Variants in STXBP5 observed in about 807,000 individuals in gnomAD.
The protein encoded by STXBP5 is syntaxin binding protein 5, also known as syntaxin-binding protein 5.
In STXBP5, 50 loss-of-function variants were observed where a neutral mutation model predicts 152.4. The ratio of observed to expected loss-of-function variants is 0.33; its 90% confidence interval spans 0.26 to 0.42. The LOEUF (loss-of-function observed/expected upper bound fraction) is 0.42, where lower values mean the gene tolerates loss of function less well. Among genes scored for constraint, STXBP5 ranks in the 10% least tolerant of loss-of-function variants. The pLI, the probability that STXBP5 is intolerant of heterozygous loss-of-function variation, is 1.00. For missense variants in STXBP5, 1,167 were observed against 1,388.6 expected (o/e 0.84, Z 2.54); for synonymous variants, 492 against 494.7 (o/e 0.99, Z 0.07).
chr6:147,297,224 G>A (rs1027340208), intron 9 of STXBP5, among the ~76,000 whole-genome samples: 2 of 152,292 alleles, frequency 1.3e-5, no homozygotes, highest in East Asian at 1.9e-4. Flanking sequence ...CTTGTCACAT[G>A]TAAGGGTATC....
At chr6:147,221,790 C>T (rs542301304) in intron 2 of STXBP5, among the ~76,000 whole-genome samples, 5 of 150,238 alleles carry the variant, frequency 3.3e-5, no homozygotes, top group African/African-American at 9.8e-5. Flanking sequence ...CTTAGCTTCT[C>T]GAATTTGTGG....
chr6:147,278,250 T>C (rs1167912598), intron 8 of STXBP5, 46 bp downstream of exon 8: 1 of 1,481,036 alleles, frequency 6.8e-7, no homozygotes, highest in South Asian at 1.4e-5. Context: ...TAACGTACAG[T>C]AAACTGTTTT....
intron 9 of STXBP5, among the ~76,000 whole-genome samples, chr6:147,296,200 G>A (rs952406882): frequency 6.6e-6 from 1 of 151,890 alleles, no homozygotes; most frequent in African/African-American, 2.4e-5. Flanking sequence ...AGTTGAACTG[G>A]CATGAACCTG....
In STXBP5 at chr6:147,213,432, A is replaced by ATGTGTGTG. The variant is rs774370865; in HGVS notation, c.248+7365_248+7366insGTGTGTGT. Among the ~76,000 whole-genome samples, 9 of 121,086 alleles carry ATGTGTGTG rather than the reference A, an allele frequency of 7.4e-5. No individual in the cohort carries two copies. The East Asian group carries it at 1.5e-3, about 20-fold the overall frequency. The allele number at this position is 121,086 out of a possible 152,430, so 79.4% of individuals were successfully genotyped here. On this transcript the variant is annotated intron_variant, in intron 2 of 27. Transcript: ENST00000321680. The stretch of plus-strand genomic sequence containing the variant: ...CCTCACCTGGCTCACATAATTTTAT[A>ATGTGTGTG]TATGTGTGTGTGTGTGTGTGTGTGT...
chr6:147,270,255 T>C (rs1443477948), intron 7 of STXBP5, among the ~76,000 whole-genome samples: 2 of 151,630 alleles, frequency 1.3e-5, no homozygotes, highest in Non-Finnish European at 2.9e-5. Flanking sequence ...AAAAATTAGC[T>C]GGGCGTGGTG....
chr6:147,264,544 C>G (rs1432855358), intron 6 of STXBP5, among the ~76,000 whole-genome samples: 12 of 152,058 alleles, frequency 7.9e-5, no homozygotes, highest in African/African-American at 2.7e-4. Context: ...GGAGTACTCT[C>G]TGTTATGCTA....
At chr6:147,254,852 C>T (rs114367084) in intron 4 of STXBP5, among the ~76,000 whole-genome samples, 1,680 of 152,282 alleles carry the variant, frequency 0.011, 41 homozygotes, top group African/African-American at 0.038. Context: ...AATAGGAATG[C>T]GTTTACTTTG....
chr6:147,326,687 A>G (rs1020501555), intron 17 of STXBP5, among the ~76,000 whole-genome samples: 10 of 152,324 alleles, frequency 6.6e-5, no homozygotes, highest in African/African-American at 2.4e-4. Flanking sequence ...GGCCTCCAAG[A>G]TGTATGCTTT....
chr6:147,368,270 A>T (rs189178200), intron 25 of STXBP5, among the ~76,000 whole-genome samples: 81 of 141,124 alleles, frequency 5.7e-4, no homozygotes, highest in South Asian at 4.8e-3. Context: ...AAAAAAAAAA[A>T]TTTTTGCAAA....
intron 9 of STXBP5, among the ~76,000 whole-genome samples, chr6:147,303,656 T>C (rs1268848501): frequency 1.3e-5 from 2 of 152,146 alleles, no homozygotes; most frequent in African/African-American, 4.8e-5. Context: ...GTAGGCGAGT[T>C]TGCAGCTTCC....
chr6:147,384,395 C>T (rs758073519), intron 27 of STXBP5, among the ~76,000 whole-genome samples: 6 of 152,022 alleles, frequency 3.9e-5, no homozygotes, highest in East Asian at 3.9e-4. Context: ...ACCTTTAATT[C>T]GCCAGTTCTT....
chr6:147,278,471 A>T (rs1346973974), intron 8 of STXBP5, among the ~76,000 whole-genome samples: 1 of 152,246 alleles, frequency 6.6e-6, no homozygotes, highest in Non-Finnish European at 1.5e-5. Context: ...TGTCTCTAAT[A>T]GTCCAGAAAA....
Position 147,374,940 on chromosome 6 carries a change from A to G in STXBP5, c.3193+1098A>G, listed in dbSNP as rs75502404. On this transcript the variant is annotated intron_variant, in intron 26 of 27. Coordinates refer to ENST00000321680, the MANE Select transcript of STXBP5 (RefSeq NM_001127715.4). ...ACTCACAACTTTCAGCTCAGCTTCA[A>G]ATATCTGGGTGGCCTGTAAAATCTT... Among the ~76,000 whole-genome samples the G allele has an allele frequency of 1.4e-4, 21 of 152,326 alleles. No individual in the cohort carries two copies. In the East Asian group the frequency reaches 4.1e-3, roughly 29 times the overall value.
At chr6:147,240,819 G>A (rs1256333928) in intron 4 of STXBP5, among the ~76,000 whole-genome samples, 1 of 152,122 alleles carries the variant, frequency 6.6e-6, no homozygotes, top group Non-Finnish European at 1.5e-5. Context: ...AACGAAACTT[G>A]GAATAAGGCA....
At chr6:147,280,207 A>T (rs946777574) in intron 8 of STXBP5, among the ~76,000 whole-genome samples, 2 of 152,106 alleles carry the variant, frequency 1.3e-5, no homozygotes, top group African/African-American at 4.8e-5. Context: ...TTCATATATG[A>T]TAAATTACAA....
rs1478733893 is a variant in STXBP5 at position 147,386,242 on chromosome 6, C to T, written c.*1487C>T. 6.6e-6 allele frequency: 1 copy of T among 151,718 alleles called. No homozygotes were observed. Among genetic ancestry groups the T allele is most frequent in the East Asian group, 1.9e-4 (1 of 5,168 alleles). 9.4% of individuals were successfully genotyped at this position (151,718 alleles called of 1,614,324 possible). ...GTTAATGAAATTTAAATATTGTCTT[C>T]TATAAAAAATTCCTTTAAATGATTT... On this transcript the variant is annotated 3_prime_UTR_variant, in exon 28 of 28. Transcript: ENST00000321680.
intron 21 of STXBP5, among the ~76,000 whole-genome samples, chr6:147,351,085 G>T (rs1395400319): frequency 6.6e-6 from 1 of 152,138 alleles, no homozygotes; most frequent in East Asian, 1.9e-4. Context: ...TAATAGTTTT[G>T]TCTTGGTTAC....
intron 8 of STXBP5, among the ~76,000 whole-genome samples, chr6:147,285,404 C>G (rs1028498860): frequency 1.3e-5 from 2 of 151,562 alleles, no homozygotes; most frequent in Non-Finnish European, 2.9e-5. Flanking sequence ...ATAAATAAAC[C>G]TATCTAGACC....
At chr6:147,231,630 A>G (rs1489678211) in intron 2 of STXBP5, among the ~76,000 whole-genome samples, 1 of 151,926 alleles carries the variant, frequency 6.6e-6, no homozygotes, top group South Asian at 2.1e-4. Flanking sequence ...GCATACATAT[A>G]TAAAAACAAA....
Sources: gnomAD v4.1 joint callset for allele counts (sites outside exome capture counted in the v4.1 genomes callset) on GRCh38, gnomAD v4.1.1 for gene constraint, MANE v1.5 for transcripts, NCBI Gene and HGNC (gene_info 2026-07-23, HGNC 2026-07-21) for gene names.